RAB4A: variants seen among roughly 807,000 people sequenced by gnomAD.
The protein encoded by RAB4A is RAB4A, member RAS oncogene family.
RAB4A carries 20 observed loss-of-function variants against 34.5 expected under a neutral mutation model. The ratio of observed to expected loss-of-function variants is 0.58; its 90% CI spans 0.41 to 0.84. The LOEUF is 0.84. Ranked by LOEUF, RAB4A falls within the 40% of genes least tolerant of loss-of-function variation. RAB4A has a pLI of 0.00. For synonymous variants in RAB4A, 102 were observed against 100.0 expected (o/e 1.02, Z -0.12); for missense variants, 228 against 274.5 (o/e 0.83, Z 1.20).
chr1:229,275,311 T>A (rs987602065), intron 1 of RAB4A, among the ~76,000 whole-genome samples: 1 of 152,040 alleles, frequency 6.6e-6, no homozygotes, highest in African/African-American at 2.4e-5. Context: ...AGCCAAGGAG[T>A]GCCAAGGGGT....
intron 1 of RAB4A, among the ~76,000 whole-genome samples, chr1:229,277,555 T>A (rs1240988245): frequency 6.6e-6 from 1 of 151,388 alleles, no homozygotes; most frequent in Non-Finnish European, 1.5e-5. Context: ...CTCTGCCAGC[T>A]CCTCGTTGCT....
chr1:229,305,589 T>C lies in RAB4A; in HGVS notation c.*1796T>C, dbSNP rs1657529515. On this transcript the variant is annotated 3_prime_UTR_variant, in exon 8 of 8. Coordinates refer to ENST00000366690, the MANE Select transcript of RAB4A (RefSeq NM_004578.4). ...GTATTGTTCAGGCTAGTAATAAATG[T>C]CATGTTTCTATTTCCCGCAACTCAT... is the stretch of plus-strand genomic sequence containing the variant. The C allele has an allele frequency of 8.9e-6, 2 of 225,502 alleles. No homozygotes were observed. The highest frequency in any genetic ancestry group is 1.7e-5 in the Non-Finnish European group (2 of 115,416). 14.0% of individuals were successfully genotyped at this position (225,502 alleles called of 1,614,324 possible). A position where few individuals can be genotyped will look rare whatever the true frequency, so the allele number is the denominator to read the frequency against.
rs1177822773 is a variant in RAB4A at position 229,279,773 on chromosome 1, T to C, written c.32-6713T>C. The stretch of plus-strand genomic sequence containing the variant: ...ATGTATCTGTTTTAGATTTTCTGTT[T>C]TGGGGTGTGGTCTTTCCCTTCAATC... On this transcript the variant is annotated intron_variant, in intron 1 of 7. Coordinates refer to ENST00000366690, the MANE Select transcript of RAB4A (RefSeq NM_004578.4). Among the ~76,000 whole-genome samples the C allele has an allele frequency of 2.0e-5, 3 of 152,216 alleles. No individual in the cohort carries two copies. The East Asian group carries it at 5.8e-4, about 29-fold the overall frequency.
chr1:229,300,732 G>T (rs757366820), intron 6 of RAB4A, among the ~76,000 whole-genome samples: 3 of 152,108 alleles, frequency 2.0e-5, no homozygotes, highest in Non-Finnish European at 4.4e-5. Context: ...TAGTAAGCTT[G>T]GGGAAGAGTT....
intron 1 of RAB4A, among the ~76,000 whole-genome samples, chr1:229,284,770 A>G (rs1053708248): frequency 6.6e-6 from 1 of 152,134 alleles, no homozygotes; most frequent in African/African-American, 2.4e-5. Flanking sequence ...TTAATTCTAT[A>G]AAATTCTCAG....
chr1:229,305,281 A>C lies in RAB4A; in HGVS notation c.*1488A>C, dbSNP rs1267130443. The stretch of plus-strand genomic sequence containing the variant: ...TTAGACCTCACTGTAAGAATATTTT[A>C]TTCAATGTCTCATTTATGATAGATT... On this transcript the variant is annotated 3_prime_UTR_variant, in exon 8 of 8. Coordinates refer to ENST00000366690, the MANE Select transcript of RAB4A (RefSeq NM_004578.4). 3.1e-6 allele frequency: 5 copies of C among 1,598,018 alleles called. No homozygotes were observed. The highest frequency in any genetic ancestry group is 4.3e-6 in the Non-Finnish European group (5 of 1,174,882).
At chr1:229,292,322 T>C (rs1657111188) in intron 3 of RAB4A, among the ~76,000 whole-genome samples, 2 of 152,206 alleles carry the variant, frequency 1.3e-5, no homozygotes, top group African/African-American at 4.8e-5. Context: ...TAAGAAACTA[T>C]TTGTCAAGAC....
intron 1 of RAB4A, among the ~76,000 whole-genome samples, chr1:229,277,374 CCTTTA>C (rs1180301235): frequency 1.3e-5 from 2 of 151,182 alleles, no homozygotes; most frequent in Non-Finnish European, 2.9e-5. Flanking sequence ...TGTTCCACCT[CCTTTA>C]CTTCTTATTC....
chr1:229,302,261 A>T (rs1438497735), intron 6 of RAB4A, among the ~76,000 whole-genome samples: 1 of 12,202 alleles, frequency 8.2e-5, no homozygotes, highest in Non-Finnish European at 1.4e-4. Context: ...AAATAATTAT[A>T]TATATATATA....
chr1:229,277,463 A>G (rs1656680233), intron 1 of RAB4A, among the ~76,000 whole-genome samples: 1 of 151,070 alleles, frequency 6.6e-6, no homozygotes, highest in Non-Finnish European at 1.5e-5. Flanking sequence ...CATTTCATCA[A>G]GGTTCCCACT....
At position 229,302,821 on chromosome 1, in the gene RAB4A, CAT is replaced by C. The variant is rs368813505; in HGVS notation, c.542-39_542-38del. On this transcript the variant is annotated intron_variant, in intron 6 of 7. Coordinates refer to ENST00000366690, the MANE Select transcript of RAB4A (RefSeq NM_004578.4). ...TAATCTATTTTTGGAATCAAAGAAA[CAT>C]AAAAGCCTTTTTTAAAAGAAGACTT... 5.4e-4 allele frequency: 731 copies of C among 1,342,792 alleles called. 6 individuals carry two copies. The African/African-American group carries it at 9.1e-3, about 17-fold the overall frequency. 83.2% of individuals were successfully genotyped at this position (1,342,792 alleles called of 1,614,324 possible). A position where few individuals can be genotyped will look rare whatever the true frequency, so the allele number is the denominator to read the frequency against.
intron 3 of RAB4A, among the ~76,000 whole-genome samples, chr1:229,292,535 C>A (rs1473603957): frequency 6.6e-6 from 1 of 152,142 alleles, no homozygotes; most frequent in African/African-American, 2.4e-5. Flanking sequence ...AGCAAACAGT[C>A]CACTCTGCAC....
At chr1:229,293,798 A>T (rs237771) in intron 3 of RAB4A, among the ~76,000 whole-genome samples, 37,004 of 152,006 alleles carry the variant, frequency 0.24, 5,146 homozygotes, top group African/African-American at 0.39. Context: ...GAGGAGATAG[A>T]GTTAATGAGA....
chr1:229,279,928 A>G (rs1656741178), intron 1 of RAB4A, among the ~76,000 whole-genome samples: 1 of 152,252 alleles, frequency 6.6e-6, no homozygotes. Context: ...TTAAGTGGGC[A>G]CAATTATTTA....
intron 6 of RAB4A, 140 bp from the exon 7 acceptor site, chr1:229,302,722 A>G (rs1258253688): frequency 3.4e-6 from 2 of 589,644 alleles, no homozygotes; most frequent in Admixed American, 6.4e-5. Flanking sequence ...AAGCAAACAT[A>G]TATATAGTTT....
At chr1:229,287,697 TC>T (rs947311336) in intron 2 of RAB4A, among the ~76,000 whole-genome samples, 3 of 152,182 alleles carry the variant, frequency 2.0e-5, no homozygotes, top group Non-Finnish European at 4.4e-5. Flanking sequence ...CCTGCATTTT[TC>T]CTGGTAGTTT....
intron 3 of RAB4A, among the ~76,000 whole-genome samples, chr1:229,293,444 T>C (rs1285012062): frequency 6.6e-6 from 1 of 152,188 alleles, no homozygotes; most frequent in Non-Finnish European, 1.5e-5. Flanking sequence ...CCCACAGTTA[T>C]CTCCTTGGCT....
In RAB4A at chr1:229,271,365, C is replaced by T; in HGVS notation, c.26C>T (p.Thr9Ile). 2.4e-6 allele frequency: 3 copies of T among 1,271,336 alleles called. No homozygotes were observed. In the East Asian group the frequency reaches 9.8e-5, roughly 41 times the overall value. The allele number at this position is 1,271,336 out of a possible 1,614,324, so 78.8% of individuals were successfully genotyped here. A position where few individuals can be genotyped will look rare whatever the true frequency, so the allele number is the denominator to read the frequency against. Residue 9 changes from threonine to isoleucine, a missense_variant, in exon 1 of 8, where the codon ACC becomes ATC. Physicochemically the swap from Thr to Ile is moderately conservative, Grantham distance 89. Coordinates refer to ENST00000366690, the MANE Select transcript of RAB4A (RefSeq NM_004578.4). MSQTAMSETYDFLFKFLVI... is the reference protein window; with the variant it reads MSQTAMSEIYDFLFKFLVI... ...ATGTCGCAGACGGCCATGTCCGAAACCTACGGTACGAGGCCCGGGCTGGCG... is the reference window on the plus strand; with the variant it reads ...ATGTCGCAGACGGCCATGTCCGAAATCTACGGTACGAGGCCCGGGCTGGCG...
At chr1:229,286,418 T>C in intron 1 of RAB4A, 68 bp from the exon 2 acceptor site, 1 of 938,074 alleles carries the variant, frequency 1.1e-6, no homozygotes, top group South Asian at 1.6e-5. Flanking sequence ...AATTTGATGA[T>C]CGTGATCTAA....
Sources: gnomAD v4.1 joint callset for allele counts (sites outside exome capture counted in the v4.1 genomes callset) on GRCh38, gnomAD v4.1.1 for gene constraint, MANE v1.5 for transcripts, NCBI Gene and HGNC (gene_info 2026-07-23, HGNC 2026-07-21) for gene names.